Variants in NEDD9 observed in about 807,000 individuals in gnomAD.
NEDD9 encodes the protein neural precursor cell expressed, developmentally down-regulated 9.
In NEDD9, 26 loss-of-function variants were observed where a neutral mutation model predicts 76.6. The ratio of observed to expected loss-of-function variants is 0.34; its 90% confidence interval spans 0.25 to 0.47. The LOEUF is 0.47. NEDD9 is among the 20% of genes least tolerant of loss of function. The pLI, the probability that NEDD9 is intolerant of heterozygous loss-of-function variation, is 1.00. For synonymous variants in NEDD9, 392 were observed against 414.2 expected, an observed-to-expected ratio of 0.95 and a Z score of 0.65; for missense variants, 937 against 1,058.5, an observed-to-expected ratio of 0.89 and a Z score of 1.59.
intron 2 of NEDD9, among the ~76,000 whole-genome samples, chr6:11,329,763 G>T (rs574282984): frequency 1.3e-5 from 2 of 152,040 alleles, no homozygotes; most frequent in African/African-American, 2.4e-5. Flanking sequence ...AACTGGGTGG[G>T]GGGGGCGGTG....
At position 11,211,774 on chromosome 6, in the gene NEDD9, C is replaced by T. The variant is rs544020782; in HGVS notation, c.459+1507G>A. On this transcript the variant is annotated intron_variant, in intron 2 of 6. Coordinates refer to ENST00000379446, the MANE Select transcript of NEDD9 (RefSeq NM_006403.4). ...ACCTACGCTCAGTTCATGCCACACG[C>T]GTGCTCTTGAGAAGTATTTTGTAAA... Among the ~76,000 whole-genome samples the T allele has an allele frequency of 1.2e-4, 19 of 152,328 alleles. No individual in the cohort carries two copies. The East Asian group carries it at 2.7e-3, about 22-fold the overall frequency.
chr6:11,380,293 T>C (rs995733689), intron 1 of NEDD9, among the ~76,000 whole-genome samples: 8 of 152,078 alleles, frequency 5.3e-5, no homozygotes, highest in Non-Finnish European at 1.2e-4. Context: ...CGAGGACATG[T>C]AGTTTAAGAA....
chr6:11,293,157 C>T (rs1760814246), intron 3 of NEDD9, among the ~76,000 whole-genome samples: 2 of 150,206 alleles, frequency 1.3e-5, no homozygotes, highest in Non-Finnish European at 3.0e-5. Context: ...TAAATGCCTT[C>T]TTTGTGTCAA....
chr6:11,331,338 C>T (rs1762033380), intron 2 of NEDD9, among the ~76,000 whole-genome samples: 1 of 143,854 alleles, frequency 7.0e-6, no homozygotes. Context: ...GCATTTACTC[C>T]TCCACAAATC....
chr6:11,307,163 T>C (rs1761208398), intron 2 of NEDD9, among the ~76,000 whole-genome samples: 1 of 151,826 alleles, frequency 6.6e-6, no homozygotes, highest in African/African-American at 2.4e-5. Context: ...TAATAGAAGC[T>C]CAGCAAAAAA....
At chr6:11,233,574 C>A, upstream of NEDD9, 1 of 514,626 alleles carries the variant, frequency 1.9e-6, no homozygotes, top group Non-Finnish European at 3.9e-6. Context: ...AACCCACCAA[C>A]ACTTATTATC....
At chr6:11,240,042 CAA>C (rs144360623) in intron 3 of NEDD9, among the ~76,000 whole-genome samples, 30,012 of 92,062 alleles carry the variant, frequency 0.33, 3,700 homozygotes, top group East Asian at 0.6. Flanking sequence ...GACTTCATCT[CAA>C]AAAAAAAAAA....
At chr6:11,362,857 A>G (rs2113555761) in intron 1 of NEDD9, among the ~76,000 whole-genome samples, 1 of 152,362 alleles carries the variant, frequency 6.6e-6, no homozygotes, top group East Asian at 1.9e-4. Context: ...AATGACTAAG[A>G]AGTTTACAAA....
At chr6:11,185,737 G>A in intron 6 of NEDD9, 66 bp from the exon 7 acceptor site, 1 of 1,568,158 alleles carries the variant, frequency 6.4e-7, no homozygotes, top group East Asian at 2.3e-5. Flanking sequence ...AATTCACTAG[G>A]CCTTGGAGTT....
intron 1 of NEDD9, among the ~76,000 whole-genome samples, chr6:11,372,110 T>A (rs1762888124): frequency 6.6e-6 from 1 of 152,068 alleles, no homozygotes. Flanking sequence ...TCATTATCTA[T>A]CTCCCCTACC....
Position 11,232,584 on chromosome 6 carries a change from C to T in NEDD9, c.-69G>A, listed in dbSNP as rs1219246744. The stretch of plus-strand genomic sequence containing the variant: ...CAGCATTAAGCACTGCGGTGCCCGC[C>T]CCTCCATTGAGTGCAGCGCTAGATG... On this transcript the variant is annotated 5_prime_UTR_variant, in exon 1 of 7. Coordinates refer to ENST00000379446, the MANE Select transcript of NEDD9 (RefSeq NM_006403.4). The T allele has an allele frequency of 4.3e-6, 7 of 1,613,144 alleles. No individual in the cohort carries two copies. The highest frequency in any genetic ancestry group is 5.9e-6 in the Non-Finnish European group (7 of 1,179,782).
chr6:11,191,079 G>T lies in NEDD9; in HGVS notation c.790C>A (p.Pro264Thr). Residue 264 changes from proline (P) to threonine (T), a missense_variant, in exon 5 of 7, where the codon CCT (proline) becomes ACT (threonine). Pro to Thr is a conservative substitution (Grantham distance 38). Transcript: ENST00000379446. ...DLRPEGVYDI[P>T]PTCTKPAGKD... ...CCTGCTGGCTTGGTGCAGGTTGGAG[G>T]AATGTCATAAACCCCCTCCGGTCTG... 6.2e-7 allele frequency: 1 copy of T among 1,613,978 alleles called. No individual in the cohort carries two copies. The highest frequency in any genetic ancestry group is 8.5e-7 in the Non-Finnish European group (1 of 1,180,018).
chr6:11,299,635 C>T (rs980694337), intron 3 of NEDD9, among the ~76,000 whole-genome samples: 1 of 152,148 alleles, frequency 6.6e-6, no homozygotes, highest in Non-Finnish European at 1.5e-5. Flanking sequence ...AGGTGAGTGC[C>T]CCCCTGGGAC....
In NEDD9 at chr6:11,232,602, G is replaced by A. The variant is rs369554513; in HGVS notation, c.-87C>T. ...TGCCCGCCCCTCCATTGAGTGCAGCGCTAGATGAAAGCGAGAAGGTCCCGG... is the reference window on the plus strand; with the variant it reads ...TGCCCGCCCCTCCATTGAGTGCAGCACTAGATGAAAGCGAGAAGGTCCCGG... On this transcript the variant is annotated 5_prime_UTR_variant, in exon 1 of 7. Coordinates refer to ENST00000379446, the MANE Select transcript of NEDD9 (RefSeq NM_006403.4). The A allele has an allele frequency of 2.5e-6, 4 of 1,609,232 alleles. No homozygotes were observed. The highest frequency in any genetic ancestry group is 2.7e-5 in the African/African-American group (2 of 74,842).
chr6:11,319,069 T>A (rs1242096946), intron 2 of NEDD9, among the ~76,000 whole-genome samples: 1 of 152,274 alleles, frequency 6.6e-6, no homozygotes, highest in Non-Finnish European at 1.5e-5. Context: ...GTTATAATAT[T>A]AAAGTGACAA....
chr6:11,333,959 G>C (rs1447060804), intron 2 of NEDD9, among the ~76,000 whole-genome samples: 1 of 152,200 alleles, frequency 6.6e-6, no homozygotes, highest in Non-Finnish European at 1.5e-5. Context: ...GCTGTAAAAA[G>C]AAGGGCTTTA....
intron 3 of NEDD9, among the ~76,000 whole-genome samples, chr6:11,269,561 T>C (rs1197189070): frequency 6.6e-6 from 1 of 152,224 alleles, no homozygotes; most frequent in East Asian, 1.9e-4. Flanking sequence ...ATTGCCCTTA[T>C]GGGGCCATGC....
intron 2 of NEDD9, among the ~76,000 whole-genome samples, chr6:11,320,352 C>A (rs1355839902): frequency 2.6e-5 from 4 of 152,124 alleles, no homozygotes; most frequent in Non-Finnish European, 5.9e-5. Flanking sequence ...AATTAAATAA[C>A]CTTCTATACT....
intron 1 of NEDD9, among the ~76,000 whole-genome samples, chr6:11,336,317 T>C (rs922346064): frequency 6.6e-6 from 1 of 152,154 alleles, no homozygotes; most frequent in African/African-American, 2.4e-5. Context: ...GTGCATAGAG[T>C]GTACTCACAC....
Sources: allele counts gnomAD v4.1 joint callset (sites outside exome capture counted in the v4.1 genomes callset), GRCh38; gene constraint gnomAD v4.1.1; transcripts MANE v1.5; gene names NCBI Gene and HGNC (gene_info 2026-07-23, HGNC 2026-07-21).